PKHD1L1: variants seen among roughly 807,000 people sequenced by gnomAD.
The protein encoded by PKHD1L1 is PKHD1 like 1.
A neutral mutation model predicts 462.9 loss-of-function variants in PKHD1L1; 434 were observed. The ratio of observed to expected loss-of-function variants is 0.94; its 90% confidence interval spans 0.87 to 1.02. The LOEUF (loss-of-function observed/expected upper bound fraction) is 1.02, where lower values mean the gene tolerates loss of function less well. PKHD1L1 is among the 50% of genes least tolerant of loss of function. PKHD1L1 has a pLI of 0.00. For synonymous variants in PKHD1L1, 1,781 were observed against 1,750.0 expected, an observed-to-expected ratio of 1.02 and a Z score of -0.44; for missense variants, 5,202 against 5,096.1, an observed-to-expected ratio of 1.02 and a Z score of -0.63.
At chr8:109,443,592 C>G in intron 36 of PKHD1L1, 84 bp from the exon 37 acceptor site, 2 of 1,086,922 alleles carry the variant, frequency 1.8e-6, no homozygotes, top group Non-Finnish European at 2.6e-6. Flanking sequence ...CCATCATCAT[C>G]AAAATAAAGA....
intron 9 of PKHD1L1, among the ~76,000 whole-genome samples, chr8:109,393,201 T>G (rs1812793932): frequency 6.6e-6 from 1 of 151,896 alleles, no homozygotes; most frequent in Non-Finnish European, 1.5e-5. Context: ...CATAAAATAT[T>G]TCCAGAGACT....
chr8:109,501,908 C>A (rs1395260892), intron 67 of PKHD1L1, among the ~76,000 whole-genome samples: 1 of 152,106 alleles, frequency 6.6e-6, no homozygotes, highest in Non-Finnish European at 1.5e-5. Context: ...CTACTTCCTT[C>A]CAGGCCCCTT....
chr8:109,497,309 A>T (rs1020702410), intron 65 of PKHD1L1, 37 bp downstream of exon 65: 3 of 1,595,810 alleles, frequency 1.9e-6, no homozygotes, highest in Non-Finnish European at 2.6e-6. Flanking sequence ...GGAGAAAAAA[A>T]TAACTTGGAG....
intron 28 of PKHD1L1, among the ~76,000 whole-genome samples, chr8:109,433,807 T>A (rs1815242843): frequency 6.6e-6 from 1 of 152,226 alleles, no homozygotes; most frequent in Non-Finnish European, 1.5e-5. Context: ...AAATCCTTTC[T>A]GTTGTTTTTA....
chr8:109,460,049 T>C (rs1817034575), intron 47 of PKHD1L1, among the ~76,000 whole-genome samples: 2 of 151,978 alleles, frequency 1.3e-5, no homozygotes, highest in Non-Finnish European at 2.9e-5. Context: ...GTGAGTAACA[T>C]GAAGATATTT....
chr8:109,466,571 T>A lies in PKHD1L1; in HGVS notation c.8414-7T>A. The A allele has an allele frequency of 6.4e-7, 1 of 1,565,390 alleles. No individual in the cohort carries two copies. The highest frequency in any genetic ancestry group is 1.2e-5 in the South Asian group (1 of 83,918). ...TAAAAAACATATTTTGTTTGTTTGT[T>A]TCCCAGGGCACAAAGGACATACCGT... On this transcript the variant is annotated splice_region_variant and splice_polypyrimidine_tract_variant and intron_variant, in intron 49 of 77. Coordinates refer to ENST00000378402, the MANE Select transcript of PKHD1L1 (RefSeq NM_177531.6).
At chr8:109,428,571 A>C (rs1335965270) in intron 25 of PKHD1L1, among the ~76,000 whole-genome samples, 1 of 152,210 alleles carries the variant, frequency 6.6e-6, no homozygotes, top group East Asian at 1.9e-4. Flanking sequence ...AAAAAAATAC[A>C]TGGCTGGGAA....
chr8:109,494,045 T>A (rs1452247284), intron 63 of PKHD1L1, among the ~76,000 whole-genome samples: 2 of 151,828 alleles, frequency 1.3e-5, no homozygotes, highest in Non-Finnish European at 2.9e-5. Flanking sequence ...CCACCATTTT[T>A]AAAAAAACGG....
chr8:109,444,445 A>G (rs866139723), intron 37 of PKHD1L1, among the ~76,000 whole-genome samples: 3 of 152,258 alleles, frequency 2.0e-5, no homozygotes, highest in African/African-American at 2.4e-5. Context: ...TCACCTTTTG[A>G]TTATTATGAA....
intron 32 of PKHD1L1, 112 bp from the exon 33 acceptor site, chr8:109,440,598 C>G: frequency 1.1e-6 from 1 of 887,810 alleles, no homozygotes; most frequent in South Asian, 2.4e-5. Context: ...AAGTAATGTA[C>G]AGTTAAATAT....
At chr8:109,406,623 A>C in intron 17 of PKHD1L1, 145 bp downstream of exon 17, 2 of 970,184 alleles carry the variant, frequency 2.1e-6, no homozygotes, top group South Asian at 4.4e-5. Context: ...CGGTAATTTA[A>C]ATTTTAGTTG....
In PKHD1L1 at chr8:109,362,586, A is replaced by G. The variant is rs745428891; in HGVS notation, c.6A>G (p.Gly2=). 9.3e-6 allele frequency: 15 copies of G among 1,608,174 alleles called. No homozygotes were observed. Among genetic ancestry groups the G allele is most frequent in the African/African-American group, 6.7e-5 (5 of 74,822 alleles). The change falls in exon 1 of 78, where the codon GGA becomes GGG. Residue 2 remains glycine, a synonymous_variant. Transcript: ENST00000378402. M[G]HLWLLGIWGL... ...TCCGCAGAACTGGCTTTTCAATGGG[A>G]CACCTGTGGCTCCTGGGTATTTGGG...
Position 109,532,850 on chromosome 8 carries a change from C to A in PKHD1L1, c.*2760C>A, listed in dbSNP as rs1821071607. Among the ~76,000 whole-genome samples the A allele has an allele frequency of 6.6e-6, 1 of 152,106 alleles. No homozygotes were observed. Among genetic ancestry groups the A allele is most frequent in the East Asian group, 1.9e-4 (1 of 5,192 alleles). ...CCCCAAAAGTGCTATTTAAAATATC[C>A]CTAGCACTAATAATAACAATAATCA... On this transcript the variant is annotated 3_prime_UTR_variant, in exon 78 of 78. Coordinates refer to ENST00000378402, the MANE Select transcript of PKHD1L1 (RefSeq NM_177531.6).
intron 2 of PKHD1L1, among the ~76,000 whole-genome samples, chr8:109,376,959 C>G (rs1811868539): frequency 6.6e-6 from 1 of 152,178 alleles, no homozygotes; most frequent in Non-Finnish European, 1.5e-5. Flanking sequence ...TTTACCAGAA[C>G]TGGAGGTGAG....
rs182293738 is a variant in PKHD1L1 at position 109,430,012 on chromosome 8, A to G, written c.3204A>G (p.Leu1068=). ...CATGGGATTCCAACATTACTCCCCT[A>G]GTCTTGGCGATAAGCCCTTCTCAAG... ...GFTWDSNITP[L]VLAISPSQGS... is the part of the protein sequence containing the mutation. The change falls in exon 27 of 78, where the codon CTA becomes CTG. Residue 1068 remains leucine (L), a synonymous_variant. Coordinates refer to ENST00000378402, the MANE Select transcript of PKHD1L1 (RefSeq NM_177531.6). The G allele has an allele frequency of 8.1e-6, 13 of 1,609,366 alleles. No homozygotes were observed. The highest frequency in any genetic ancestry group is 1.3e-5 in the African/African-American group (1 of 74,652).
chr8:109,518,556 A>G (rs766837582), intron 73 of PKHD1L1, 48 bp downstream of exon 73: 1 of 1,439,798 alleles, frequency 6.9e-7, no homozygotes, highest in South Asian at 1.3e-5. Context: ...TACCAAATCC[A>G]TATCCATAAA....
chr8:109,536,346 G>A lies in PKHD1L1; in HGVS notation c.*6256G>A, dbSNP rs751628565. ...TAAAGTTGTTCAAGGTCAAAGTCAC[G>A]ATGTCCATCATGCTGTAGCTCAATG... On this transcript the variant is annotated 3_prime_UTR_variant, in exon 78 of 78. Coordinates refer to ENST00000378402, the MANE Select transcript of PKHD1L1 (RefSeq NM_177531.6). Among the ~76,000 whole-genome samples, 13 of 152,296 alleles carry A rather than the reference G, an allele frequency of 8.5e-5. No individual in the cohort carries two copies. Among genetic ancestry groups the A allele is most frequent in the Middle Eastern group, 6.8e-3 (2 of 294 alleles).
chr8:109,442,170 A>G lies in PKHD1L1; in HGVS notation c.4368A>G (p.Thr1456=), dbSNP rs929441490. 2 of 1,612,092 alleles carry G rather than the reference A, an allele frequency of 1.2e-6. No individual in the cohort carries two copies. Among genetic ancestry groups the G allele is most frequent in the Non-Finnish European group, 1.7e-6 (2 of 1,179,216 alleles). ...GSVIYDGKGF[T]SGRQKSTSGS... ...TAATTTATGATGGCAAAGGATTCAC[A>G]AGTGGAAGACAAAAATCTACATCAG... is the stretch of plus-strand genomic sequence containing the variant. The change falls in exon 35 of 78, where the codon ACA becomes ACG. Residue 1456 remains threonine (T), a synonymous_variant. Transcript: ENST00000378402.
chr8:109,465,262 A>G lies in PKHD1L1; in HGVS notation c.8413+17A>G, dbSNP rs1010596914. On this transcript the variant is annotated intron_variant, in intron 49 of 77. Transcript: ENST00000378402. Reference sequence around the variant, plus strand: ...CACTTACAGGTAATGTTATTTTTTAATTTGTGATAAAAATCCATTGGAAAT... The same window carrying G: ...CACTTACAGGTAATGTTATTTTTTAGTTTGTGATAAAAATCCATTGGAAAT... The G allele has an allele frequency of 3.8e-6, 6 of 1,597,272 alleles. No individual in the cohort carries two copies. Among genetic ancestry groups the G allele is most frequent in the Middle Eastern group, 3.4e-4 (2 of 5,948 alleles).
Sources: allele counts gnomAD v4.1 joint callset (sites outside exome capture counted in the v4.1 genomes callset), GRCh38; gene constraint gnomAD v4.1.1; transcripts MANE v1.5; gene names NCBI Gene and HGNC (gene_info 2026-07-23, HGNC 2026-07-21).